The following COL14A1 variants were observed in gnomAD, a reference collection of about 807,000 sequenced individuals.
The protein encoded by COL14A1 is collagen alpha-1(XIV) chain.
A neutral mutation model predicts 230.3 loss-of-function variants in COL14A1; 136 were observed. The observed-to-expected ratio is 0.59, with a 90% CI of 0.51 to 0.68. The LOEUF (loss-of-function observed/expected upper bound fraction) is 0.68. Ranked by LOEUF, COL14A1 falls within the 30% of genes least tolerant of loss-of-function variation. COL14A1 has a pLI of 0.00. For synonymous variants in COL14A1, 792 were observed against 784.1 expected (o/e 1.01, Z -0.17); for missense variants, 1,976 against 2,215.8 (o/e 0.89, Z 2.17).
intron 1 of COL14A1, among the ~76,000 whole-genome samples, chr8:120,146,689 A>G (rs1815099313): frequency 6.6e-6 from 1 of 152,128 alleles, no homozygotes; most frequent in South Asian, 2.1e-4. Context: ...TTTATCTCAA[A>G]TTAAAATTTA....
chr8:120,139,857 T>C (rs1250107564), intron 1 of COL14A1, among the ~76,000 whole-genome samples: 3 of 151,734 alleles, frequency 2.0e-5, no homozygotes, highest in Non-Finnish European at 4.4e-5. Context: ...GATCCTGTCT[T>C]TATAAAAAAA....
intron 40 of COL14A1, among the ~76,000 whole-genome samples, chr8:120,316,377 A>G (rs769584267): frequency 3.9e-5 from 6 of 152,232 alleles, no homozygotes; most frequent in Non-Finnish European, 5.9e-5. Context: ...GGCTTTCTGT[A>G]GTATGGCTTA....
intron 19 of COL14A1, among the ~76,000 whole-genome samples, chr8:120,242,263 C>T (rs376415774): frequency 6.6e-6 from 1 of 152,310 alleles, no homozygotes; most frequent in East Asian, 1.9e-4. Context: ...AGAATGCTTA[C>T]AGCAGCACCT....
chr8:120,226,593 T>C, intron 15 of COL14A1, 34 bp from the exon 16 acceptor site: 2 of 1,610,090 alleles, frequency 1.2e-6, no homozygotes, highest in South Asian at 2.2e-5. Flanking sequence ...TGCCTTCTCA[T>C]TTCCCTAACA....
At chr8:120,184,462 C>T (rs1344778188) in intron 5 of COL14A1, among the ~76,000 whole-genome samples, 3 of 151,942 alleles carry the variant, frequency 2.0e-5, no homozygotes, top group Non-Finnish European at 4.4e-5. Context: ...ACCATAGTGG[C>T]CAGGCTGGTC....
intron 21 of COL14A1, among the ~76,000 whole-genome samples, chr8:120,248,735 C>A (rs939523940): frequency 6.6e-6 from 1 of 151,894 alleles, no homozygotes; most frequent in African/African-American, 2.4e-5. Context: ...ATGCACCGTA[C>A]CCCCAGCTAC....
At chr8:120,124,719 G>A (rs1036677398), upstream of COL14A1, among the ~76,000 whole-genome samples, 1 of 152,168 alleles carries the variant, frequency 6.6e-6, no homozygotes, top group Non-Finnish European at 1.5e-5. Flanking sequence ...ACGCGGGAAG[G>A]CAAAGTCTGT....
chr8:120,131,384 C>CTT (rs1814520363), intron 1 of COL14A1, among the ~76,000 whole-genome samples: 2 of 146,004 alleles, frequency 1.4e-5, no homozygotes, highest in Non-Finnish European at 1.5e-5. Flanking sequence ...TTTTTTTTGA[C>CTT]TTTTTAATGA....
intron 42 of COL14A1, among the ~76,000 whole-genome samples, chr8:120,335,663 T>G (rs184677018): frequency 3.3e-5 from 5 of 152,320 alleles, no homozygotes; most frequent in Admixed American, 3.3e-4. Flanking sequence ...AATAGCAACA[T>G]GTTTCCTACA....
intron 42 of COL14A1, among the ~76,000 whole-genome samples, chr8:120,336,697 C>T (rs1016569232): frequency 1.3e-5 from 2 of 152,180 alleles, no homozygotes; most frequent in African/African-American, 4.8e-5. Context: ...CCCCTACTTT[C>T]CTTTCCAACT....
Position 120,345,496 on chromosome 8 carries a change from A to C in COL14A1, c.5010A>C (p.Glu1670Asp), listed in dbSNP as rs745666472. 6.2e-7 allele frequency: 1 copy of C among 1,604,968 alleles called. No individual in the cohort carries two copies. The highest frequency in any genetic ancestry group is 8.5e-7 in the Non-Finnish European group (1 of 1,176,122). The change falls in exon 45 of 48, where the codon GAA (glutamate) becomes GAC (aspartate). Residue 1670 changes from glutamate (E) to aspartate (D), a missense_variant. Physicochemically the swap from Glu to Asp is conservative, Grantham distance 45. Around this residue, in one of 3 missense-constraint regions of COL14A1, gnomAD observed 1,791 missense variants for 2,019.5 expected, o/e 0.89. Transcript: ENST00000297848. ...GRPGSPGAPG[E>D]QGPPGTPGFP... ...CAGGCTCACCTGGAGCCCCTGGTGA[A>C]CAAGGACCCCCAGGCACACCAGGCT... is the stretch of plus-strand genomic sequence containing the variant.
intron 17 of COL14A1, among the ~76,000 whole-genome samples, chr8:120,227,865 C>T (rs1013972572): frequency 2.6e-5 from 4 of 152,090 alleles, no homozygotes; most frequent in Non-Finnish European, 5.9e-5. Flanking sequence ...TATTAAATTG[C>T]CTTTGCCTGG....
chr8:120,180,028 C>A (rs1360662252), intron 5 of COL14A1, among the ~76,000 whole-genome samples: 6 of 152,096 alleles, frequency 3.9e-5, no homozygotes, highest in Admixed American at 3.9e-4. Flanking sequence ...TTCCTTACAC[C>A]TTATACAAAA....
At chr8:120,232,558 G>A (rs1370273315) in intron 19 of COL14A1, among the ~76,000 whole-genome samples, 1 of 152,076 alleles carries the variant, frequency 6.6e-6, no homozygotes, top group Non-Finnish European at 1.5e-5. Context: ...GAGAATGATG[G>A]TTTCCAGCTT....
At chr8:120,202,687 A>G (rs1368385109) in intron 8 of COL14A1, among the ~76,000 whole-genome samples, 3 of 152,072 alleles carry the variant, frequency 2.0e-5, no homozygotes, top group Non-Finnish European at 2.9e-5. Context: ...GATTGTCAGG[A>G]TTAAAGGTGT....
chr8:120,236,930 A>G (rs145463124), intron 19 of COL14A1, among the ~76,000 whole-genome samples: 7 of 152,168 alleles, frequency 4.6e-5, no homozygotes, highest in African/African-American at 1.7e-4. Context: ...TTCTTTAAGA[A>G]TGTTGAATGT....
intron 1 of COL14A1, among the ~76,000 whole-genome samples, chr8:120,142,242 G>C (rs569486604): frequency 1.2e-4 from 18 of 152,190 alleles, no homozygotes; most frequent in African/African-American, 3.6e-4. Flanking sequence ...GTGGTGGACA[G>C]CTATCTGTGT....
At chr8:120,274,002 C>A (rs534109890) in intron 26 of COL14A1, among the ~76,000 whole-genome samples, 1 of 151,824 alleles carries the variant, frequency 6.6e-6, no homozygotes, top group East Asian at 1.9e-4. Context: ...TTACCTGATA[C>A]AAAAACCAGT....
chr8:120,195,157 A>T (rs1450845679), intron 5 of COL14A1, among the ~76,000 whole-genome samples: 1 of 152,210 alleles, frequency 6.6e-6, no homozygotes, highest in East Asian at 1.9e-4. Flanking sequence ...TATATCTGGA[A>T]AAAGTCAAGA....
Sources: gnomAD v4.1 joint callset for allele counts (sites outside exome capture counted in the v4.1 genomes callset) on GRCh38, gnomAD v4.1.1 for gene constraint, gnomAD v4.1.1 regional missense constraint, MANE v1.5 for transcripts, NCBI Gene and HGNC (gene_info 2026-07-23, HGNC 2026-07-21) for gene names.